Variants in LINGO2 observed in about 807,000 individuals in gnomAD.
LINGO2 encodes leucine-rich repeat and immunoglobulin-like domain-containing nogo receptor-interacting protein 2.
Under a neutral mutation model 30.6 loss-of-function variants are expected in LINGO2, and 14 were observed. The observed-to-expected ratio is 0.46, with a 90% CI of 0.30 to 0.72. The LOEUF (loss-of-function observed/expected upper bound fraction) is 0.72. LINGO2 is among the 30% of genes least tolerant of loss of function. The pLI, the probability that LINGO2 is intolerant of heterozygous loss-of-function variation, is 0.07. For synonymous variants in LINGO2, 317 were observed against 288.5 expected, an observed-to-expected ratio of 1.10 and a Z score of -1.00; for missense variants, 729 against 751.7, an observed-to-expected ratio of 0.97 and a Z score of 0.35.
the LINGO2 span, among the ~76,000 whole-genome samples, chr9:28,703,987 T>C: frequency 6.6e-6 from 1 of 152,028 alleles, no homozygotes; most frequent in Admixed American, 6.6e-5. Context: ...ATATGAAATA[T>C]AAAAGATTTT....
chr9:29,105,773 C>T, the LINGO2 span, among the ~76,000 whole-genome samples: 556 of 152,164 alleles, frequency 3.7e-3, 2 homozygotes, highest in African/African-American at 0.013. Context: ...CATGAACTAC[C>T]TATGGAGGAT....
At chr9:28,546,700 G>A (rs1158908558) in intron 1 of LINGO2, among the ~76,000 whole-genome samples, 1 of 151,966 alleles carries the variant, frequency 6.6e-6, no homozygotes, top group Admixed American at 6.6e-5. Flanking sequence ...TGCCTTGAGG[G>A]AGAAAAGGGA....
the LINGO2 span, among the ~76,000 whole-genome samples, chr9:29,026,824 C>T: frequency 2.6e-5 from 4 of 151,994 alleles, no homozygotes; most frequent in African/African-American, 7.2e-5. Context: ...CTACTTTTAC[C>T]TTAACAACCT....
the LINGO2 span, among the ~76,000 whole-genome samples, chr9:28,747,969 T>C: frequency 6.6e-6 from 1 of 152,080 alleles, no homozygotes; most frequent in East Asian, 1.9e-4. Flanking sequence ...TTTCCATCCT[T>C]CACATGTAAT....
chr9:28,280,571 T>G (rs1823284639), intron 4 of LINGO2, among the ~76,000 whole-genome samples: 2 of 152,170 alleles, frequency 1.3e-5, no homozygotes, highest in Admixed American at 6.5e-5. Context: ...GTGTTCCATT[T>G]AAGACAATGT....
the LINGO2 span, among the ~76,000 whole-genome samples, chr9:29,124,571 A>C: frequency 2.6e-5 from 4 of 152,194 alleles, no homozygotes; most frequent in Non-Finnish European, 4.4e-5. Context: ...TATAAGAAAT[A>C]AACAAACAAC....
At chr9:28,145,500 TTTATAG>T (rs762178789) in intron 4 of LINGO2, among the ~76,000 whole-genome samples, 25 of 152,340 alleles carry the variant, frequency 1.6e-4, no homozygotes, top group Non-Finnish European at 3.1e-4. Context: ...TGAATTTTGA[TTTATAG>T]TTAGAGTCAG....
chr9:28,931,990 C>G, the LINGO2 span, among the ~76,000 whole-genome samples: 2 of 151,676 alleles, frequency 1.3e-5, no homozygotes, highest in African/African-American at 2.4e-5. Context: ...CACCTGTAGT[C>G]CCAGCAGCTA....
chr9:28,967,350 G>C, the LINGO2 span, among the ~76,000 whole-genome samples: 1 of 152,170 alleles, frequency 6.6e-6, no homozygotes, highest in Non-Finnish European at 1.5e-5. Flanking sequence ...GGAAAAGTCA[G>C]TGTTGGAGAA....
the LINGO2 span, among the ~76,000 whole-genome samples, chr9:28,751,119 A>G: frequency 6.6e-6 from 1 of 151,582 alleles, no homozygotes; most frequent in Non-Finnish European, 1.5e-5. Flanking sequence ...AAAAATATAT[A>G]CATATATAAA....
intron 3 of LINGO2, among the ~76,000 whole-genome samples, chr9:28,342,778 T>A (rs2134397424): frequency 6.6e-6 from 1 of 151,690 alleles, no homozygotes; most frequent in African/African-American, 2.4e-5. Flanking sequence ...TCTACATGGT[T>A]AAAACATACT....
At chr9:29,178,545 A>G in the LINGO2 span, among the ~76,000 whole-genome samples, 3 of 152,234 alleles carry the variant, frequency 2.0e-5, no homozygotes, top group East Asian at 5.8e-4. Flanking sequence ...ATTATCTTAT[A>G]CTGTAGCAAA....
chr9:28,494,411 C>T (rs1819508235), intron 1 of LINGO2, among the ~76,000 whole-genome samples: 3 of 152,112 alleles, frequency 2.0e-5, no homozygotes, highest in Admixed American at 2.0e-4. Flanking sequence ...TGTTCCCCTT[C>T]CTGTGTCCAA....
chr9:28,006,938 T>C (rs2119202346), intron 5 of LINGO2, among the ~76,000 whole-genome samples: 1 of 152,160 alleles, frequency 6.6e-6, no homozygotes, highest in South Asian at 2.1e-4. Flanking sequence ...TATCTATTCA[T>C]GTAACAATTA....
Position 28,617,638 on chromosome 9 carries a change from A to T in LINGO2, c.-365+52562T>A, listed in dbSNP as rs141375033. ...TTATTCCTGAAGTCATTTATAACCC[A>T]GAGACTACTTACATATGTTCTCACC... is the stretch of plus-strand genomic sequence containing the variant. On this transcript the variant is annotated intron_variant, in intron 1 of 5. Transcript: ENST00000379992. Among the ~76,000 whole-genome samples the T allele has an allele frequency of 2.1e-3, 316 of 152,216 alleles. 3 individuals carry two copies. The highest frequency in any genetic ancestry group is 7.3e-3 in the African/African-American group (303 of 41,550).
the LINGO2 span, among the ~76,000 whole-genome samples, chr9:29,089,703 C>T: frequency 6.6e-6 from 1 of 152,058 alleles, no homozygotes; most frequent in Non-Finnish European, 1.5e-5. Context: ...CTAAATACAA[C>T]TCAGTAAATA....
At chr9:28,467,292 G>T (rs1415412317) in intron 2 of LINGO2, among the ~76,000 whole-genome samples, 2 of 152,058 alleles carry the variant, frequency 1.3e-5, no homozygotes, top group Non-Finnish European at 2.9e-5. Flanking sequence ...CTCCCAAAGT[G>T]CTGGGATTAC....
intron 1 of LINGO2, among the ~76,000 whole-genome samples, chr9:28,482,480 T>C (rs1223033930): frequency 6.6e-6 from 1 of 152,132 alleles, no homozygotes; most frequent in African/African-American, 2.4e-5. Context: ...TGTTTGTTTT[T>C]TTCTTGTAAA....
chr9:29,081,186 T>C, the LINGO2 span, among the ~76,000 whole-genome samples: 6 of 152,086 alleles, frequency 3.9e-5, no homozygotes, highest in African/African-American at 1.2e-4. Context: ...AATAAAATAC[T>C]GGCAAACCGA....
Sources: gnomAD v4.1 joint callset for allele counts (sites outside exome capture counted in the v4.1 genomes callset) on GRCh38, gnomAD v4.1.1 for gene constraint, MANE v1.5 for transcripts, NCBI Gene and HGNC (gene_info 2026-07-23, HGNC 2026-07-21) for gene names.